GAB1: variants seen among roughly 807,000 people sequenced by gnomAD.
GAB1 encodes the protein GRB2-associated-binding protein 1.
Under a neutral mutation model 66.5 loss-of-function variants are expected in GAB1, and 19 were observed. The ratio of observed to expected loss-of-function variants is 0.29; its 90% CI spans 0.20 to 0.42. The LOEUF (loss-of-function observed/expected upper bound fraction) is 0.42. Among genes scored for constraint, GAB1 ranks in the 10% least tolerant of loss-of-function variants. GAB1 has a pLI of 1.00. For missense variants in GAB1, 732 were observed against 858.5 expected, an observed-to-expected ratio of 0.85 and a Z score of 1.84; for synonymous variants, 294 against 301.4, an observed-to-expected ratio of 0.98 and a Z score of 0.25.
At position 143,438,222 on chromosome 4, in the gene GAB1, G is replaced by A; in HGVS notation, c.817G>A (p.Val273Met). 1.2e-6 allele frequency: 2 copies of A among 1,614,044 alleles called. No individual in the cohort carries two copies. The highest frequency in any genetic ancestry group is 1.7e-6 in the Non-Finnish European group (2 of 1,180,016). The change falls in exon 4 of 10, where the codon GTG (valine) becomes ATG (methionine). Residue 273 changes from valine (V) to methionine (M), a missense_variant. Coordinates refer to ENST00000262994, the MANE Select transcript of GAB1 (RefSeq NM_002039.4). ...RSYSHDVLPK[V>M]SPSSTEADGE... Reference sequence around the variant, plus strand: ...TTATTCCCATGATGTTTTACCAAAGGTGTCTCCATCAAGTACTGAAGCAGA... The same window carrying A: ...TTATTCCCATGATGTTTTACCAAAGATGTCTCCATCAAGTACTGAAGCAGA...
intron 6 of GAB1, among the ~76,000 whole-genome samples, chr4:143,455,127 GCT>G (rs1353700594): frequency 1.3e-5 from 2 of 152,046 alleles, no homozygotes; most frequent in Non-Finnish European, 2.9e-5. Context: ...CATTTTAAAA[GCT>G]CTTTTTGTTG....
rs551999210 is a variant in GAB1 at position 143,372,438 on chromosome 4, G to T, written c.72+35178G>T. ...ACAAGACAAAGCTTCTGCCTTACAT[G>T]AAACTTACATTGTAGTAGGTAGAGA... is the stretch of plus-strand genomic sequence containing the variant. On this transcript the variant is annotated intron_variant, in intron 1 of 9. Coordinates refer to ENST00000262994, the MANE Select transcript of GAB1 (RefSeq NM_002039.4). Among the ~76,000 whole-genome samples the T allele has an allele frequency of 5.9e-5, 9 of 152,338 alleles. No homozygotes were observed. The South Asian group carries it at 1.0e-3, about 18-fold the overall frequency.
intron 1 of GAB1, among the ~76,000 whole-genome samples, chr4:143,354,878 TTTGCCCCAAG>T (rs1729380827): frequency 1.3e-5 from 2 of 152,222 alleles, no homozygotes; most frequent in Non-Finnish European, 2.9e-5. Flanking sequence ...GCAAATGTGC[TTTGCCCCAAG>T]TTGGAGAATT....
chr4:143,410,860 C>T (rs1218249711), intron 1 of GAB1, among the ~76,000 whole-genome samples: 2 of 152,118 alleles, frequency 1.3e-5, no homozygotes, highest in Admixed American at 6.5e-5. Context: ...CTGAGCACCT[C>T]CTTGGCGCTA....
chr4:143,383,566 T>G (rs1290606049), intron 1 of GAB1, among the ~76,000 whole-genome samples: 1 of 152,210 alleles, frequency 6.6e-6, no homozygotes, highest in African/African-American at 2.4e-5. Flanking sequence ...ATTGAGGTAT[T>G]TACTTCCAGA....
In GAB1 at chr4:143,415,789, C is replaced by A; in HGVS notation, c.367+18C>A. ...AGAAGAAGGTAAGTTCAAGATATTA[C>A]TATTCAACTTGAATTCTTCTTTTCT... On this transcript the variant is annotated intron_variant, in intron 2 of 9. Transcript: ENST00000262994. 6.5e-7 allele frequency: 1 copy of A among 1,530,790 alleles called. No individual in the cohort carries two copies. The allele number at this position is 1,530,790 out of a possible 1,614,324, so 94.8% of individuals were successfully genotyped here. A position where few individuals can be genotyped will look rare whatever the true frequency, so the allele number is the denominator to read the frequency against.
At chr4:143,372,365 C>G (rs903912831) in intron 1 of GAB1, among the ~76,000 whole-genome samples, 1 of 152,152 alleles carries the variant, frequency 6.6e-6, no homozygotes. Context: ...TTATTGAATG[C>G]TTGCTGTAGG....
At chr4:143,355,633 C>T (rs17017662) in intron 1 of GAB1, among the ~76,000 whole-genome samples, 9,712 of 152,156 alleles carry the variant, frequency 0.064, 434 homozygotes, top group African/African-American at 0.12. Flanking sequence ...CCTGTGTTTG[C>T]TCCTTCACAG....
At position 143,469,035 on chromosome 4, in the gene GAB1, A is replaced by G. The variant is rs1189568020; in HGVS notation, c.1931A>G (p.Lys644Arg). 2 of 1,613,392 alleles carry G rather than the reference A, an allele frequency of 1.2e-6. No homozygotes were observed. The highest frequency in any genetic ancestry group is 1.7e-6 in the Non-Finnish European group (2 of 1,179,632). ...SGKSTPPRKQ[K>R]SSGSGSSVAD... ...TGTTTTTTCTTTGTGTTTTAGCAAAAGAGCAGTGGCTCAGGCAGCAGTGTA... is the reference window on the plus strand; with the variant it reads ...TGTTTTTTCTTTGTGTTTTAGCAAAGGAGCAGTGGCTCAGGCAGCAGTGTA... The change falls in exon 10 of 10, where the codon AAG (lysine) becomes AGG (arginine). Residue 644 changes from lysine to arginine, a missense_variant. This residue lies in a region of GAB1 where 204 missense variants were observed against 276.8 expected (regional missense o/e 0.74). Transcript: ENST00000262994.
chr4:143,394,137 G>T (rs562159078), intron 1 of GAB1, among the ~76,000 whole-genome samples: 1 of 152,292 alleles, frequency 6.6e-6, no homozygotes, highest in South Asian at 2.1e-4. Flanking sequence ...AGCTGGGCAT[G>T]GTGGCACGTG....
At chr4:143,390,358 C>A (rs1398334612) in intron 1 of GAB1, among the ~76,000 whole-genome samples, 3 of 151,354 alleles carry the variant, frequency 2.0e-5, no homozygotes, top group Non-Finnish European at 4.4e-5. Flanking sequence ...AGAGATACCA[C>A]CGAAGAAAAA....
At chr4:143,405,186 G>A (rs1731978475) in intron 1 of GAB1, among the ~76,000 whole-genome samples, 1 of 151,972 alleles carries the variant, frequency 6.6e-6, no homozygotes, top group Admixed American at 6.6e-5. Flanking sequence ...CTGAGAGACT[G>A]GGAAGTCATT....
At chr4:143,353,844 A>G (rs1346755549) in intron 1 of GAB1, among the ~76,000 whole-genome samples, 1 of 152,170 alleles carries the variant, frequency 6.6e-6, no homozygotes, top group Non-Finnish European at 1.5e-5. Context: ...TTTCACCACT[A>G]TAGTATATTA....
intron 6 of GAB1, among the ~76,000 whole-genome samples, chr4:143,450,867 G>T (rs894297886): frequency 1.1e-4 from 16 of 150,916 alleles, no homozygotes; most frequent in African/African-American, 3.4e-4. Flanking sequence ...CTCCAGCCTG[G>T]GCAACAGAGC....
intron 6 of GAB1, among the ~76,000 whole-genome samples, chr4:143,458,607 T>G (rs943246084): frequency 6.6e-6 from 1 of 152,026 alleles, no homozygotes; most frequent in Non-Finnish European, 1.5e-5. Flanking sequence ...AGTCTTGACT[T>G]TAAGAAAATG....
chr4:143,446,646 CTTCT>C (rs1370114651), intron 6 of GAB1, among the ~76,000 whole-genome samples: 16 of 150,756 alleles, frequency 1.1e-4, no homozygotes, highest in African/African-American at 3.9e-4. Context: ...GGGTTGTTTG[CTTCT>C]TTCTTGTAAA....
intron 1 of GAB1, among the ~76,000 whole-genome samples, chr4:143,346,068 A>G (rs1417898260): frequency 6.6e-6 from 1 of 152,088 alleles, no homozygotes; most frequent in Non-Finnish European, 1.5e-5. Flanking sequence ...AGGAAGGTAA[A>G]AGCACTCTGT....
intron 1 of GAB1, among the ~76,000 whole-genome samples, chr4:143,355,067 C>T (rs1258933158): frequency 2.6e-5 from 4 of 152,050 alleles, no homozygotes; most frequent in Admixed American, 6.6e-5. Flanking sequence ...AGATTTTCTT[C>T]GAGATTTTTA....
chr4:143,458,720 T>C (rs1181225375), intron 6 of GAB1, among the ~76,000 whole-genome samples: 1 of 152,080 alleles, frequency 6.6e-6, no homozygotes, highest in East Asian at 1.9e-4. Context: ...TACTTAATTG[T>C]ATATAATTTA....
Sources: allele counts gnomAD v4.1 joint callset (sites outside exome capture counted in the v4.1 genomes callset), GRCh38; gene constraint gnomAD v4.1.1; regional missense constraint gnomAD v4.1.1; transcripts MANE v1.5; gene names NCBI Gene and HGNC (gene_info 2026-07-23, HGNC 2026-07-21).